KCNMA1: variants seen among roughly 807,000 people sequenced by gnomAD.
KCNMA1 encodes Calcium-activated potassium channel subunit alpha-1.
Under a neutral mutation model 140.0 loss-of-function variants are expected in KCNMA1, and 29 were observed. The ratio of observed to expected loss-of-function variants is 0.21; its 90% CI spans 0.15 to 0.28. The LOEUF (loss-of-function observed/expected upper bound fraction) is 0.28, where lower values mean the gene tolerates loss of function less well. Ranked by LOEUF, KCNMA1 falls within the 10% of genes least tolerant of loss-of-function variation. KCNMA1 has a pLI of 1.00. For synonymous variants in KCNMA1, 612 were observed against 611.9 expected (o/e 1.00, Z 0.00); for missense variants, 880 against 1,602.2 (o/e 0.55, Z 7.70).
intron 2 of KCNMA1, among the ~76,000 whole-genome samples, chr10:77,316,612 T>C (rs1459855557): frequency 6.6e-6 from 1 of 152,162 alleles, no homozygotes; most frequent in Non-Finnish European, 1.5e-5. Flanking sequence ...AAGCATTGGT[T>C]TAGCCTGCTT....
intron 1 of KCNMA1, among the ~76,000 whole-genome samples, chr10:77,405,597 T>TATTC (rs35292776): frequency 0.7 from 106,207 of 151,760 alleles, 37,155 homozygotes; most frequent in East Asian, 0.83. Flanking sequence ...ACTAAAACCT[T>TATTC]ATTATTTATC....
intron 2 of KCNMA1, among the ~76,000 whole-genome samples, chr10:77,255,152 T>C (rs536075967): frequency 6.6e-6 from 1 of 152,338 alleles, no homozygotes; most frequent in East Asian, 1.9e-4. Context: ...TGTGGAGATA[T>C]TGAGTACTCG....
chr10:77,150,808 T>C (rs2098404067), intron 5 of KCNMA1, among the ~76,000 whole-genome samples: 1 of 152,188 alleles, frequency 6.6e-6, no homozygotes, highest in Admixed American at 6.5e-5. Context: ...TAGGTTCTAG[T>C]TTCAGGAGTA....
rs2040080591 is a variant in KCNMA1 at position 76,891,554 on chromosome 10, G to A, written c.3313C>T (p.Leu1105=). ...AAGTCCGCAAATGGCCCATCGAGCA[G>A]AGCTAACTGGGCCACGCGGCAGCGG... ...RDRCRVAQLA[L]LDGPFADLGD... The change falls in exon 26 of 28, where the codon CTG becomes TTG. Residue 1105 remains leucine, a synonymous_variant. Transcript: ENST00000286628. 1 of 1,613,702 alleles carries A rather than the reference G, an allele frequency of 6.2e-7. No individual in the cohort carries two copies. Among genetic ancestry groups the A allele is most frequent in the East Asian group, 2.2e-5 (1 of 44,854 alleles).
chr10:77,612,225 C>A (rs1394844708), intron 1 of KCNMA1, among the ~76,000 whole-genome samples: 2 of 152,206 alleles, frequency 1.3e-5, no homozygotes, highest in Admixed American at 1.3e-4. Context: ...GACCCAGGCA[C>A]ATTCTAGGTC....
intron 5 of KCNMA1, among the ~76,000 whole-genome samples, chr10:77,162,999 G>A (rs548960159): frequency 6.6e-6 from 1 of 152,262 alleles, no homozygotes; most frequent in East Asian, 1.9e-4. Flanking sequence ...TATGTCCAGT[G>A]TCTGCTACAG....
At chr10:77,201,801 T>A (rs567208743) in intron 3 of KCNMA1, among the ~76,000 whole-genome samples, 1 of 127,226 alleles carries the variant, frequency 7.9e-6, no homozygotes, top group African/African-American at 3.0e-5. Context: ...TTATGTGGGA[T>A]AAAATGTCTT....
intron 2 of KCNMA1, among the ~76,000 whole-genome samples, chr10:77,339,563 G>C (rs1484303958): frequency 6.6e-6 from 1 of 152,116 alleles, no homozygotes. Context: ...ACTCAGAATG[G>C]TGCCTCAAGT....
intron 20 of KCNMA1, among the ~76,000 whole-genome samples, chr10:76,961,432 C>T (rs1409845087): frequency 6.6e-6 from 1 of 152,154 alleles, no homozygotes; most frequent in Non-Finnish European, 1.5e-5. Flanking sequence ...ATGGAAGCTA[C>T]TCCTAGTGAA....
chr10:77,002,881 G>A (rs1445538413), intron 18 of KCNMA1, among the ~76,000 whole-genome samples: 3 of 152,134 alleles, frequency 2.0e-5, no homozygotes, highest in Non-Finnish European at 4.4e-5. Context: ...CTAAACTGAG[G>A]AGGTGTTATT....
At chr10:77,626,035 T>A (rs2092464180) in intron 1 of KCNMA1, among the ~76,000 whole-genome samples, 1 of 152,128 alleles carries the variant, frequency 6.6e-6, no homozygotes, top group African/African-American at 2.4e-5. Context: ...TTTTTTTTTT[T>A]TACAGTAGCC....
At chr10:77,568,271 G>A (rs200838180) in intron 1 of KCNMA1, among the ~76,000 whole-genome samples, 4 of 151,748 alleles carry the variant, frequency 2.6e-5, no homozygotes, top group African/African-American at 2.4e-5. Flanking sequence ...GCCTGGCAGA[G>A]ACACAACAAA....
chr10:77,303,841 T>A (rs552902782), intron 2 of KCNMA1, among the ~76,000 whole-genome samples: 29 of 152,354 alleles, frequency 1.9e-4, no homozygotes, highest in African/African-American at 7.0e-4. Flanking sequence ...TTTCTCTTTA[T>A]CAGCAATGAA....
At chr10:77,498,056 G>T (rs2042568236) in intron 1 of KCNMA1, among the ~76,000 whole-genome samples, 1 of 152,082 alleles carries the variant, frequency 6.6e-6, no homozygotes. Flanking sequence ...CTAGGAACAG[G>T]TGCCATCAAT....
At chr10:77,539,067 A>T (rs138571509) in intron 1 of KCNMA1, among the ~76,000 whole-genome samples, 520 of 152,122 alleles carry the variant, frequency 3.4e-3, no homozygotes, top group Middle Eastern at 0.02. Flanking sequence ...GTCCGGGAGG[A>T]CCCTAGGGAA....
chr10:77,317,888 G>A (rs750628107), intron 2 of KCNMA1, among the ~76,000 whole-genome samples: 1 of 152,166 alleles, frequency 6.6e-6, no homozygotes, highest in Admixed American at 6.5e-5. Flanking sequence ...AGAGATTCAC[G>A]GTTTTGTTTA....
At chr10:77,303,504 T>G (rs2076994922) in intron 2 of KCNMA1, among the ~76,000 whole-genome samples, 1 of 152,224 alleles carries the variant, frequency 6.6e-6, no homozygotes, top group South Asian at 2.1e-4. Context: ...GAATATTTTA[T>G]ATTTGTTTTT....
intron 15 of KCNMA1, among the ~76,000 whole-genome samples, chr10:77,036,484 T>A (rs1162158996): frequency 6.6e-6 from 1 of 152,238 alleles, no homozygotes; most frequent in Non-Finnish European, 1.5e-5. Flanking sequence ...AAAAAGCACA[T>A]TTATTTCTTT....
intron 6 of KCNMA1, among the ~76,000 whole-genome samples, chr10:77,118,160 C>T (rs1024999775): frequency 6.6e-6 from 1 of 152,226 alleles, no homozygotes; most frequent in Non-Finnish European, 1.5e-5. Flanking sequence ...GAGAGCCAGA[C>T]AAAATCTCCC....
Sources: allele counts gnomAD v4.1 joint callset (sites outside exome capture counted in the v4.1 genomes callset), GRCh38; gene constraint gnomAD v4.1.1; transcripts MANE v1.5; gene names NCBI Gene and HGNC (gene_info 2026-07-23, HGNC 2026-07-21).